Variants in FOCAD observed in about 807,000 individuals in gnomAD.
FOCAD encodes the protein focadhesin.
FOCAD carries 198 observed loss-of-function variants against 225.6 expected under a neutral mutation model. The observed-to-expected ratio is 0.88, with a 90% CI of 0.78 to 0.99. FOCAD has a LOEUF of 0.99. Among genes scored for constraint, FOCAD ranks in the 50% least tolerant of loss-of-function variants. The pLI, the probability that FOCAD is intolerant of heterozygous loss-of-function variation, is 0.00. For missense variants in FOCAD, 2,713 were observed against 2,123.6 expected (o/e 1.28, Z -5.46); for synonymous variants, 897 against 755.0 (o/e 1.19, Z -3.08).
intron 35 of FOCAD, among the ~76,000 whole-genome samples, chr9:20,962,092 A>G (rs1002765969): frequency 6.6e-6 from 1 of 152,096 alleles, no homozygotes; most frequent in African/African-American, 2.4e-5. Flanking sequence ...AATCGTACTC[A>G]TCCTTTTCAT....
intron 35 of FOCAD, chr9:20,957,761 GC>G (rs1242224116): frequency 2.4e-5 from 3 of 127,614 alleles, no homozygotes; most frequent in Non-Finnish European, 4.6e-5. Flanking sequence ...CAAGTTATCT[GC>G]CCTCCTCTGC....
At chr9:20,968,667 G>T (rs1839491400) in intron 35 of FOCAD, among the ~76,000 whole-genome samples, 1 of 151,826 alleles carries the variant, frequency 6.6e-6, no homozygotes, top group African/African-American at 2.4e-5. Context: ...TCGAACTCCT[G>T]AAGTCAGGTG....
At chr9:20,955,571 A>G (rs1266425360) in intron 35 of FOCAD, among the ~76,000 whole-genome samples, 2 of 143,682 alleles carry the variant, frequency 1.4e-5, no homozygotes, top group African/African-American at 5.2e-5. Flanking sequence ...TTCTTCTCTC[A>G]TAGCCCTGGA....
chr9:20,737,328 C>G (rs72703907), intron 4 of FOCAD, among the ~76,000 whole-genome samples: 5 of 152,290 alleles, frequency 3.3e-5, no homozygotes, highest in Non-Finnish European at 7.3e-5. Flanking sequence ...TATCTGTTAT[C>G]TCTAGAACTC....
At chr9:20,983,418 A>G (rs563855517) in intron 39 of FOCAD, among the ~76,000 whole-genome samples, 6 of 152,132 alleles carry the variant, frequency 3.9e-5, no homozygotes, top group African/African-American at 1.4e-4. Flanking sequence ...CTAAAGGTAC[A>G]AAAATTAGCT....
intron 21 of FOCAD, among the ~76,000 whole-genome samples, chr9:20,902,215 G>A (rs762765025): frequency 6.6e-6 from 1 of 151,886 alleles, no homozygotes; most frequent in African/African-American, 2.4e-5. Context: ...AAGATCTAAA[G>A]ACAGAATCTG....
chr9:20,826,158 T>C (rs1276722668), intron 15 of FOCAD, among the ~76,000 whole-genome samples: 1 of 152,092 alleles, frequency 6.6e-6, no homozygotes, highest in African/African-American at 2.4e-5. Context: ...TGTTCTTGGG[T>C]GCATCTCTGA....
intron 37 of FOCAD, among the ~76,000 whole-genome samples, chr9:20,978,921 G>C (rs895275416): frequency 6.6e-6 from 1 of 152,220 alleles, no homozygotes. Context: ...AGGGGACCAG[G>C]GGATGTAGGT....
intron 22 of FOCAD, among the ~76,000 whole-genome samples, chr9:20,911,510 G>T (rs1255009344): frequency 6.6e-6 from 1 of 152,144 alleles, no homozygotes. Context: ...ATTATTTCAG[G>T]AGATATTTAG....
chr9:20,728,736 A>G (rs1412594847), intron 4 of FOCAD, among the ~76,000 whole-genome samples: 1 of 152,106 alleles, frequency 6.6e-6, no homozygotes, highest in Non-Finnish European at 1.5e-5. Context: ...GCTGATCTTT[A>G]TTGTAGACTT....
intron 35 of FOCAD, among the ~76,000 whole-genome samples, chr9:20,964,928 G>A (rs1354515957): frequency 6.6e-6 from 1 of 152,150 alleles, no homozygotes; most frequent in Non-Finnish European, 1.5e-5. Flanking sequence ...AGGTTAGTGG[G>A]TCACTAGCCT....
intron 1 of FOCAD, among the ~76,000 whole-genome samples, chr9:20,707,334 G>A (rs1415034739): frequency 6.6e-6 from 1 of 152,046 alleles, no homozygotes; most frequent in East Asian, 1.9e-4. Flanking sequence ...AAAAATTACT[G>A]TTTTCTTACA....
chr9:20,844,915 C>A (rs904441320), intron 15 of FOCAD, among the ~76,000 whole-genome samples: 1 of 151,968 alleles, frequency 6.6e-6, no homozygotes, highest in Admixed American at 6.6e-5. Context: ...CTTTTTATTT[C>A]ATGCTTCCTT....
At chr9:20,960,601 A>G (rs889623415) in intron 35 of FOCAD, among the ~76,000 whole-genome samples, 1 of 151,398 alleles carries the variant, frequency 6.6e-6, no homozygotes, top group Non-Finnish European at 1.5e-5. Context: ...TTTTTTTATT[A>G]TACTTTAAGT....
chr9:20,703,416 T>G (rs1425936655), intron 1 of FOCAD, among the ~76,000 whole-genome samples: 4 of 152,134 alleles, frequency 2.6e-5, no homozygotes, highest in African/African-American at 9.7e-5. Context: ...CAGAACCTTT[T>G]GGCCTTCCTA....
At chr9:20,794,609 C>T (rs1331939017) in intron 11 of FOCAD, among the ~76,000 whole-genome samples, 1 of 152,098 alleles carries the variant, frequency 6.6e-6, no homozygotes, top group East Asian at 1.9e-4. Flanking sequence ...AGCTAAGCAG[C>T]ACAAATGATA....
At chr9:20,884,822 G>A (rs563128617) in intron 20 of FOCAD, among the ~76,000 whole-genome samples, 139 of 152,066 alleles carry the variant, frequency 9.1e-4, no homozygotes, top group African/African-American at 3.3e-3. Flanking sequence ...AGCGCTTTGG[G>A]AGGATGAGGC....
chr9:20,704,650 A>G lies in FOCAD; in HGVS notation c.-32-10672A>G, dbSNP rs183313394. On this transcript the variant is annotated intron_variant, in intron 1 of 43. Transcript: ENST00000338382. ...GCTGAATTACATTGGCCCCTTTTCAATATTACTCTTTTCATAAAGCGTTGG... is the reference window on the plus strand; with the variant it reads ...GCTGAATTACATTGGCCCCTTTTCAGTATTACTCTTTTCATAAAGCGTTGG... Among the ~76,000 whole-genome samples, 381 of 152,342 alleles carry G rather than the reference A, an allele frequency of 2.5e-3. 4 individuals are homozygous for G. The highest frequency in any genetic ancestry group is 0.019 in the Admixed American group (294 of 15,300).
chr9:20,974,998 C>G (rs1840107004), intron 35 of FOCAD, among the ~76,000 whole-genome samples: 1 of 152,086 alleles, frequency 6.6e-6, no homozygotes, highest in African/African-American at 2.4e-5. Flanking sequence ...CTGATTCCCC[C>G]TTTTTCAGCA....
Sources: allele counts gnomAD v4.1 joint callset (sites outside exome capture counted in the v4.1 genomes callset), GRCh38; gene constraint gnomAD v4.1.1; transcripts MANE v1.5; gene names NCBI Gene and HGNC (gene_info 2026-07-23, HGNC 2026-07-21).